Variants in MTAP observed in about 807,000 individuals in gnomAD.
MTAP encodes S-methyl-5'-thioadenosine phosphorylase.
A neutral mutation model predicts 33.6 loss-of-function variants in MTAP; 33 were observed. The observed-to-expected ratio is 0.98, with a 90% CI of 0.74 to 1.31. The LOEUF is 1.31. MTAP is among the 40% of genes most tolerant of loss of function. The probability of loss-of-function intolerance (pLI) is 0.00; values close to 1 mark genes in which losing one functional copy is unlikely to be tolerated. For missense variants in MTAP, 367 were observed against 360.0 expected (o/e 1.02, Z -0.16); for synonymous variants, 148 against 125.7 (o/e 1.18, Z -1.19).
intron 7 of MTAP, chr9:21,861,019 C>T (rs1825742572): frequency 6.6e-6 from 1 of 152,216 alleles, no homozygotes; most frequent in African/African-American, 2.4e-5. Flanking sequence ...GCTTTGGCCT[C>T]CCAAAGTGCT....
intron 4 of MTAP, among the ~76,000 whole-genome samples, chr9:21,822,951 G>C (rs563422667): frequency 1.4e-4 from 22 of 152,058 alleles, no homozygotes; most frequent in African/African-American, 3.4e-4. Flanking sequence ...GGATTGCAAC[G>C]ACTGCCTTTT....
downstream of MTAP, among the ~76,000 whole-genome samples, chr9:21,872,020 A>G (rs1825945043): frequency 6.6e-6 from 1 of 152,222 alleles, no homozygotes; most frequent in East Asian, 1.9e-4. Flanking sequence ...TTATGCTAAA[A>G]GGTATCTGCT....
intron 5 of MTAP, among the ~76,000 whole-genome samples, chr9:21,846,910 A>AT (rs2118427561): frequency 6.6e-6 from 1 of 152,304 alleles, no homozygotes; most frequent in African/African-American, 2.4e-5. Context: ...TACTGAGTGT[A>AT]AACTTGATTG....
chr9:21,837,241 T>C (rs1825134088), intron 4 of MTAP, among the ~76,000 whole-genome samples: 1 of 152,174 alleles, frequency 6.6e-6, no homozygotes, highest in South Asian at 2.1e-4. Flanking sequence ...TTCCTAAATA[T>C]GGAGCAAGAC....
At chr9:21,891,987 A>G (rs1818208261) in intron 1 of MTAP, among the ~76,000 whole-genome samples, 1 of 152,198 alleles carries the variant, frequency 6.6e-6, no homozygotes. Context: ...TTCTTAAAGA[A>G]AAGAAATTTT....
At chr9:21,929,453 C>G (rs913367042) in intron 1 of MTAP, 16 of 183,310 alleles carry the variant, frequency 8.7e-5, no homozygotes, top group African/African-American at 3.4e-4. Context: ...CCTTAGGTCA[C>G]CATGGCTCTG....
chr9:21,917,903 T>TG (rs1282074897), intron 1 of MTAP, among the ~76,000 whole-genome samples: 2 of 152,298 alleles, frequency 1.3e-5, no homozygotes, highest in Admixed American at 6.5e-5. Flanking sequence ...GGAATACTAC[T>TG]GAGCTATAAA....
At chr9:21,926,228 T>C (rs138971001) in intron 1 of MTAP, among the ~76,000 whole-genome samples, 1,651 of 152,314 alleles carry the variant, frequency 0.011, 19 homozygotes, top group Non-Finnish European at 0.017. Context: ...AGAAGGCAGC[T>C]TCCTCTTTGA....
intron 4 of MTAP, among the ~76,000 whole-genome samples, chr9:21,823,695 C>T (rs934281176): frequency 2.0e-5 from 3 of 152,172 alleles, no homozygotes; most frequent in African/African-American, 7.2e-5. Context: ...TGGATAATAT[C>T]CTGCAGACTG....
chr9:21,902,432 A>T (rs923622445), intron 1 of MTAP, among the ~76,000 whole-genome samples: 1 of 152,236 alleles, frequency 6.6e-6, no homozygotes, highest in African/African-American at 2.4e-5. Flanking sequence ...CACTTAGCAC[A>T]TGTCTGTAAT....
intron 5 of MTAP, among the ~76,000 whole-genome samples, chr9:21,843,073 A>T (rs1375067656): frequency 6.6e-6 from 1 of 152,240 alleles, no homozygotes; most frequent in African/African-American, 2.4e-5. Flanking sequence ...GTGGAAAAAG[A>T]TATTCCATGC....
intron 5 of MTAP, among the ~76,000 whole-genome samples, chr9:21,844,712 C>G (rs1223636158): frequency 6.6e-6 from 1 of 152,126 alleles, no homozygotes; most frequent in Non-Finnish European, 1.5e-5. Flanking sequence ...GCAAAATTGG[C>G]ATAGAAGGGA....
chr9:21,907,463 G>A (rs190000432), intron 1 of MTAP, among the ~76,000 whole-genome samples: 9 of 152,160 alleles, frequency 5.9e-5, no homozygotes, highest in East Asian at 3.9e-4. Context: ...AGGCTGAAGC[G>A]AGAGGATGGC....
At chr9:21,867,312 G>A (rs1443794069), downstream of MTAP, among the ~76,000 whole-genome samples, 1 of 152,104 alleles carries the variant, frequency 6.6e-6, no homozygotes, top group Non-Finnish European at 1.5e-5. Flanking sequence ...GTTAGCTATA[G>A]GTTTTTTCCG....
At chr9:21,809,797 AG>A (rs1824300152) in intron 1 of MTAP, among the ~76,000 whole-genome samples, 1 of 152,216 alleles carries the variant, frequency 6.6e-6, no homozygotes, top group African/African-American at 2.4e-5. Context: ...TGAAAGCTAG[AG>A]AAGGGGAATG....
intron 2 of MTAP, 122 bp from the exon 3 acceptor site, chr9:21,816,592 C>T: frequency 1.3e-6 from 1 of 760,096 alleles, no homozygotes; most frequent in Non-Finnish European, 2.1e-6. Flanking sequence ...GATCTTGCCT[C>T]TTCTCTAAGT....
intron 1 of MTAP, among the ~76,000 whole-genome samples, chr9:21,879,495 T>G (rs766056336): frequency 6.6e-6 from 1 of 152,230 alleles, no homozygotes; most frequent in East Asian, 1.9e-4. Flanking sequence ...GAATCTTGTT[T>G]TTTTTATCCA....
intron 4 of MTAP, among the ~76,000 whole-genome samples, chr9:21,822,635 G>A (rs1426822927): frequency 6.6e-6 from 1 of 152,216 alleles, no homozygotes; most frequent in Non-Finnish European, 1.5e-5. Context: ...TTCTGTAGAT[G>A]TCTGTTAGGT....
chr9:21,894,360 C>A (rs1246494765), intron 1 of MTAP, among the ~76,000 whole-genome samples: 7 of 152,002 alleles, frequency 4.6e-5, no homozygotes, highest in Admixed American at 4.6e-4. Flanking sequence ...AAGATGCCCA[C>A]TCTCACCACT....
Sources: allele counts gnomAD v4.1 joint callset (sites outside exome capture counted in the v4.1 genomes callset), GRCh38; gene constraint gnomAD v4.1.1; transcripts MANE v1.5; gene names NCBI Gene and HGNC (gene_info 2026-07-23, HGNC 2026-07-21).